SYK: variants seen among roughly 807,000 people sequenced by gnomAD.
SYK encodes the protein spleen associated tyrosine kinase, also known as tyrosine-protein kinase SYK.
SYK carries 16 observed loss-of-function variants against 77.8 expected under a neutral mutation model. That is an observed-to-expected ratio of 0.21 (90% confidence interval 0.14 to 0.31). SYK has a LOEUF of 0.31. SYK is among the 10% of genes least tolerant of loss of function. The pLI is 1.00. For synonymous variants in SYK, 312 were observed against 308.7 expected (o/e 1.01, Z -0.11); for missense variants, 529 against 814.4 (o/e 0.65, Z 4.26).
chr9:90,859,524 T>C (rs544771508), intron 3 of SYK, among the ~76,000 whole-genome samples: 1 of 152,360 alleles, frequency 6.6e-6, no homozygotes, highest in East Asian at 1.9e-4. Flanking sequence ...TCACTTACGT[T>C]GTGTGCAGTT....
chr9:90,847,034 G>T (rs1826625919), intron 3 of SYK, among the ~76,000 whole-genome samples: 1 of 152,246 alleles, frequency 6.6e-6, no homozygotes, highest in Non-Finnish European at 1.5e-5. Flanking sequence ...CCACGAAGCT[G>T]TTTCTTTTTT....
At chr9:90,842,345 T>G (rs1204237973) in intron 1 of SYK, among the ~76,000 whole-genome samples, 4 of 149,890 alleles carry the variant, frequency 2.7e-5, no homozygotes, top group Non-Finnish European at 4.5e-5. Flanking sequence ...GTATGTGATG[T>G]GTGTGGTGTG....
intron 1 of SYK, among the ~76,000 whole-genome samples, chr9:90,815,351 A>G (rs1026661946): frequency 2.6e-5 from 4 of 152,234 alleles, no homozygotes; most frequent in African/African-American, 4.8e-5. Flanking sequence ...CAGTGAGCAG[A>G]GGTGGGGTCC....
chr9:90,870,818 G>A lies in SYK; in HGVS notation c.916-3386G>A, dbSNP rs536495357. On this transcript the variant is annotated intron_variant, in intron 7 of 13. Coordinates refer to ENST00000375754, the MANE Select transcript of SYK (RefSeq NM_003177.7). ...CTGGCTCTTTTGTCACTATTATTGT[G>A]ATGACTAATGACTGTATTGTCATCT... Among the ~76,000 whole-genome samples, 54 of 152,250 alleles carry A rather than the reference G, an allele frequency of 3.5e-4. 1 individual carries two copies. The South Asian group carries it at 0.011, about 30-fold the overall frequency.
At chr9:90,868,689 TA>T (rs1827612939) in intron 7 of SYK, among the ~76,000 whole-genome samples, 1 of 152,186 alleles carries the variant, frequency 6.6e-6, no homozygotes, top group South Asian at 2.1e-4. Context: ...ATCCAAATTT[TA>T]AAAGCTTGAT....
chr9:90,878,974 A>G (rs773343137), intron 11 of SYK, 21 bp downstream of exon 11: 2 of 1,552,140 alleles, frequency 1.3e-6, no homozygotes, highest in Non-Finnish European at 1.8e-6. Flanking sequence ...CTTAGCTAAT[A>G]TTCAGAGCAG....
rs202170530 is a variant in SYK at position 90,896,830 on chromosome 9, T to C, written c.*1230T>C. ...TCACTTGAGGTAAGGAGTTTGAGAC[T>C]AGCCTGGCCAATATGGTAAAACCCC... On this transcript the variant is annotated 3_prime_UTR_variant, in exon 14 of 14. Transcript: ENST00000375754. 4.7e-6 allele frequency: 1 copy of C among 211,086 alleles called. No individual in the cohort carries two copies. Among genetic ancestry groups the C allele is most frequent in the East Asian group, 7.1e-5 (1 of 13,992 alleles). 13.1% of individuals were successfully genotyped at this position (211,086 alleles called of 1,614,324 possible).
At chr9:90,883,236 A>G (rs1448673637) in intron 11 of SYK, among the ~76,000 whole-genome samples, 3 of 152,116 alleles carry the variant, frequency 2.0e-5, no homozygotes, top group African/African-American at 7.2e-5. Context: ...ACACAAGCAA[A>G]TCACACCCCC....
chr9:90,824,287 A>T (rs1825603113), intron 1 of SYK, among the ~76,000 whole-genome samples: 1 of 152,206 alleles, frequency 6.6e-6, no homozygotes, highest in Admixed American at 6.5e-5. Flanking sequence ...TGGGTCCACT[A>T]GTGAATTCTG....
At chr9:90,841,565 TG>T (rs1826342706) in intron 1 of SYK, among the ~76,000 whole-genome samples, 1 of 150,462 alleles carries the variant, frequency 6.6e-6, no homozygotes, top group Non-Finnish European at 1.5e-5. Context: ...GTGTAGTGTG[TG>T]TGATGTGTGT....
chr9:90,816,627 A>G (rs1399704691), intron 1 of SYK, among the ~76,000 whole-genome samples: 2 of 152,258 alleles, frequency 1.3e-5, no homozygotes, highest in Non-Finnish European at 2.9e-5. Context: ...CATACCCATC[A>G]TCATAAATGC....
Position 90,844,030 on chromosome 9 carries a change from C to A in SYK, c.132C>A (p.Ser44Arg). 1 of 1,612,482 alleles carries A rather than the reference C, an allele frequency of 6.2e-7. No homozygotes were observed. The highest frequency in any genetic ancestry group is 2.2e-5 in the East Asian group (1 of 44,832). The change falls in exon 2 of 14, where the codon AGC (serine) becomes AGA (arginine). Residue 44 changes from serine (S) to arginine (R), a missense_variant. By Grantham distance (110) the Ser-to-Arg change is moderately radical. Around this residue, in one of 2 missense-constraint regions of SYK, gnomAD observed 321 missense variants for 433.1 expected, o/e 0.74. Transcript: ENST00000375754. ...ATGGGCTTTATTTGCTGCGCCAGAG[C>A]CGCAACTACCTGGGTGGCTTCGCCC... ...MSDGLYLLRQ[S>R]RNYLGGFALS...
intron 7 of SYK, among the ~76,000 whole-genome samples, chr9:90,869,454 A>T (rs529361527): frequency 6.6e-6 from 1 of 152,366 alleles, no homozygotes; most frequent in South Asian, 2.1e-4. Context: ...GCTATAGATT[A>T]AAAATATTTT....
chr9:90,882,900 C>A (rs995405336), intron 11 of SYK, among the ~76,000 whole-genome samples: 6 of 152,298 alleles, frequency 3.9e-5, no homozygotes, highest in Admixed American at 1.3e-4. Context: ...CAGGGCTCCA[C>A]ATTCCAGCCA....
intron 1 of SYK, among the ~76,000 whole-genome samples, chr9:90,804,823 G>A (rs956101615): frequency 6.6e-6 from 1 of 152,220 alleles, no homozygotes; most frequent in Non-Finnish European, 1.5e-5. Flanking sequence ...CTGAGGGATT[G>A]TGGGAAGATG....
chr9:90,815,588 C>T (rs1195033253), intron 1 of SYK, among the ~76,000 whole-genome samples: 2 of 152,260 alleles, frequency 1.3e-5, no homozygotes, highest in African/African-American at 4.8e-5. Context: ...CTTCGCCCCA[C>T]CACCAGCACT....
At chr9:90,855,991 AT>A (rs1827024448) in intron 3 of SYK, among the ~76,000 whole-genome samples, 1 of 152,216 alleles carries the variant, frequency 6.6e-6, no homozygotes, top group African/African-American at 2.4e-5. Context: ...TGCAGTTGCA[AT>A]TCCTGCAAAA....
At chr9:90,852,663 A>T (rs1451747960) in intron 3 of SYK, among the ~76,000 whole-genome samples, 1 of 152,256 alleles carries the variant, frequency 6.6e-6, no homozygotes, top group Non-Finnish European at 1.5e-5. Context: ...TAAAAATAAA[A>T]GGTAGTATTT....
At chr9:90,863,435 G>A (rs1450742419) in intron 4 of SYK, among the ~76,000 whole-genome samples, 5 of 152,132 alleles carry the variant, frequency 3.3e-5, no homozygotes, top group Non-Finnish European at 5.9e-5. Flanking sequence ...TGAGACTACA[G>A]AGCCTTAGCC....
Sources: allele counts gnomAD v4.1 joint callset (sites outside exome capture counted in the v4.1 genomes callset), GRCh38; gene constraint gnomAD v4.1.1; regional missense constraint gnomAD v4.1.1; transcripts MANE v1.5; gene names NCBI Gene and HGNC (gene_info 2026-07-23, HGNC 2026-07-21).